PIEZO2: variants seen among roughly 807,000 people sequenced by gnomAD.
PIEZO2 encodes the protein piezo type mechanosensitive ion channel component 2.
In PIEZO2, 172 loss-of-function variants were observed where a neutral mutation model predicts 337.3. That is an observed-to-expected ratio of 0.51 (90% CI 0.45 to 0.58). The LOEUF is 0.58. Among genes scored for constraint, PIEZO2 ranks in the 20% least tolerant of loss-of-function variants. The pLI, the probability that PIEZO2 is intolerant of heterozygous loss-of-function variation, is 0.00. For synonymous variants in PIEZO2, 1,251 were observed against 1,228.5 expected, an observed-to-expected ratio of 1.02 and a Z score of -0.38; for missense variants, 3,028 against 3,391.3, an observed-to-expected ratio of 0.89 and a Z score of 2.66.
intron 49 of PIEZO2, among the ~76,000 whole-genome samples, chr18:10,688,882 G>A (rs2034671309): frequency 6.6e-6 from 1 of 152,014 alleles, no homozygotes; most frequent in African/African-American, 2.4e-5. Context: ...TAGAAATCAG[G>A]ACAAGCAAAT....
intron 7 of PIEZO2, among the ~76,000 whole-genome samples, chr18:10,822,247 G>A (rs994723584): frequency 6.6e-6 from 1 of 152,182 alleles, no homozygotes; most frequent in African/African-American, 2.4e-5. Flanking sequence ...CAGTGACTTA[G>A]AGTATTAAGT....
chr18:11,113,470 G>A (rs1190604930), intron 1 of PIEZO2, among the ~76,000 whole-genome samples: 3 of 152,150 alleles, frequency 2.0e-5, no homozygotes, highest in African/African-American at 7.2e-5. Context: ...AGACCTCAGG[G>A]AAAACCCTCC....
At position 10,824,962 on chromosome 18, in the gene PIEZO2, C is replaced by T. The variant is rs900813008; in HGVS notation, c.918-17688G>A. On this transcript the variant is annotated intron_variant, in intron 7 of 55. Transcript: ENST00000674853. The surrounding 1 kb of genome is among the most constrained non-coding windows in gnomAD (Gnocchi z 4.4). ...CACTGCAACCTCCACTTCCTGGGTC[C>T]AAGTGATTCTCCTGCCTCAGCCTCC... 6.6e-6 allele frequency among the ~76,000 whole-genome samples: 1 copy of T among 152,166 alleles called. No homozygotes were observed. The highest frequency in any genetic ancestry group is 6.5e-5 in the Admixed American group (1 of 15,288).
intron 5 of PIEZO2, among the ~76,000 whole-genome samples, chr18:10,860,824 AATGC>A (rs2041852441): frequency 6.6e-6 from 1 of 152,200 alleles, no homozygotes; most frequent in African/African-American, 2.4e-5. Context: ...AGGTTATACA[AATGC>A]ATTTCCCTGA....
chr18:10,983,287 A>G (rs2034739585), intron 2 of PIEZO2, among the ~76,000 whole-genome samples: 1 of 152,146 alleles, frequency 6.6e-6, no homozygotes, highest in Non-Finnish European at 1.5e-5. Flanking sequence ...GAGCCCCAGA[A>G]TCTGGCTGAG....
chr18:10,891,037 G>A (rs950353193), intron 4 of PIEZO2, among the ~76,000 whole-genome samples: 2 of 152,124 alleles, frequency 1.3e-5, no homozygotes, highest in Non-Finnish European at 2.9e-5. Flanking sequence ...GATCAAAACA[G>A]AAAGTGCATT....
At chr18:10,741,141 T>C (rs1193501290) in intron 32 of PIEZO2, 39 bp from the exon 33 acceptor site, 3 of 1,494,260 alleles carry the variant, frequency 2.0e-6, no homozygotes, top group Non-Finnish European at 2.7e-6. Flanking sequence ...TCGTATAAAG[T>C]GAGAAAACAA....
intron 7 of PIEZO2, among the ~76,000 whole-genome samples, chr18:10,836,902 A>G (rs1054743117): frequency 1.3e-5 from 2 of 152,202 alleles, no homozygotes; most frequent in African/African-American, 4.8e-5. Flanking sequence ...TTTATGTTCC[A>G]TTATTAATAT....
At chr18:10,836,995 C>A (rs2041035803) in intron 7 of PIEZO2, among the ~76,000 whole-genome samples, 1 of 152,196 alleles carries the variant, frequency 6.6e-6, no homozygotes, top group Non-Finnish European at 1.5e-5. Context: ...AGGATACTCA[C>A]AACTGTGGTT....
At chr18:10,996,826 T>A (rs1047759957) in intron 2 of PIEZO2, among the ~76,000 whole-genome samples, 1 of 152,216 alleles carries the variant, frequency 6.6e-6, no homozygotes, top group Non-Finnish European at 1.5e-5. Context: ...GTACATACTT[T>A]ATATATCCAG....
chr18:11,144,220 C>T (rs563834477), intron 1 of PIEZO2, among the ~76,000 whole-genome samples: 1 of 152,352 alleles, frequency 6.6e-6, no homozygotes, highest in South Asian at 2.1e-4. Flanking sequence ...AGACAACATG[C>T]TCATGCCCGT....
Position 10,761,003 on chromosome 18 carries a change from A to G in PIEZO2, c.3358T>C (p.Phe1120Leu), listed in dbSNP as rs755251396. 5.1e-5 allele frequency: 78 copies of G among 1,533,890 alleles called. No homozygotes were observed. The highest frequency in any genetic ancestry group is 5.8e-5 in the Non-Finnish European group (66 of 1,143,936). ...AGATGTAGTCTTGTAATGTCATGAA[A>G]GATAGTTCTAGACACAGGGGCCGTC... ...NLTAPVSRTIFHDITRLHLDD... is the reference protein window; with the variant it reads ...NLTAPVSRTILHDITRLHLDD... The change falls in exon 24 of 56, where the codon TTT (phenylalanine) becomes CTT (leucine). Residue 1120 changes from phenylalanine to leucine, a missense_variant. Around this residue, in one of 5 missense-constraint regions of PIEZO2, gnomAD observed 1,925 missense variants for 2,051.9 expected, o/e 0.94. Coordinates refer to ENST00000674853, the MANE Select transcript of PIEZO2 (RefSeq NM_001378183.1).
chr18:10,851,153 A>ATCTTTTTTTTTTTTTTTTTTTTTTTTT (rs1818993444), intron 7 of PIEZO2, among the ~76,000 whole-genome samples: 1 of 106,612 alleles, frequency 9.4e-6, no homozygotes, highest in Non-Finnish European at 1.9e-5. Flanking sequence ...TTTTTCTTTT[A>ATCTTTTTTTTTTTTTTTTTTTTTTTTT]TCTTTTTTTT....
intron 7 of PIEZO2, among the ~76,000 whole-genome samples, chr18:10,844,731 G>A (rs1054725055): frequency 1.3e-5 from 2 of 150,418 alleles, no homozygotes; most frequent in African/African-American, 4.9e-5. Flanking sequence ...AGAGGTTGCA[G>A]TGAGCCAAGA....
At chr18:10,869,063 A>T (rs776313722) in intron 5 of PIEZO2, among the ~76,000 whole-genome samples, 2 of 152,256 alleles carry the variant, frequency 1.3e-5, no homozygotes, top group African/African-American at 4.8e-5. Flanking sequence ...CTACCTCTCA[A>T]ATTGGAGAAG....
chr18:10,702,047 T>C lies in PIEZO2; in HGVS notation c.6383A>G (p.Tyr2128Cys), dbSNP rs1403399763. The change falls in exon 43 of 56, where the codon TAT becomes TGT. Residue 2128 changes from tyrosine (Y) to cysteine (C), a missense_variant. Physicochemically the swap from Tyr to Cys is radical, Grantham distance 194 (BLOSUM62 -2). Coordinates refer to ENST00000674853, the MANE Select transcript of PIEZO2 (RefSeq NM_001378183.1). ...NIIGVEKKEGYVLYDLIQLLA... is the reference protein window; with the variant it reads ...NIIGVEKKEGCVLYDLIQLLA... The stretch of plus-strand genomic sequence containing the variant: ...GAGCTGGATGAGGTCATAGAGAACA[T>C]AACCTTCCTTCTTTTCCACTCCTAT... 1.3e-6 allele frequency: 2 copies of C among 1,536,780 alleles called. No individual in the cohort carries two copies. The highest frequency in any genetic ancestry group is 1.2e-5 in the South Asian group (1 of 84,002).
rs569918665 is a variant in PIEZO2, at chr18:10,922,009, C to T, written c.287-10781G>A. 3.9e-5 allele frequency among the ~76,000 whole-genome samples: 6 copies of T among 152,112 alleles called. No homozygotes were observed. The South Asian group carries it at 1.2e-3, about 32-fold the overall frequency. Reference sequence around the variant, plus strand: ...AAGATGTTATCAATGACAATGGTGCCCAAAACTTCATTAGCAATTTTAATT... The same window carrying T: ...AAGATGTTATCAATGACAATGGTGCTCAAAACTTCATTAGCAATTTTAATT... On this transcript the variant is annotated intron_variant, in intron 3 of 55. Transcript: ENST00000674853.
intron 2 of PIEZO2, among the ~76,000 whole-genome samples, chr18:11,005,239 C>T (rs1308684383): frequency 6.6e-6 from 1 of 152,204 alleles, no homozygotes; most frequent in Non-Finnish European, 1.5e-5. Flanking sequence ...CCAGCAATTA[C>T]CTAGAGATGT....
chr18:10,921,808 G>A (rs563967292), intron 3 of PIEZO2, among the ~76,000 whole-genome samples: 5 of 152,082 alleles, frequency 3.3e-5, no homozygotes, highest in South Asian at 2.1e-4. Flanking sequence ...GAGAATACTC[G>A]CCTGAGGGTG....
Sources: gnomAD v4.1 joint callset for allele counts (sites outside exome capture counted in the v4.1 genomes callset) on GRCh38, gnomAD v4.1.1 for gene constraint, gnomAD v4.1.1 regional missense constraint, Gnocchi (gnomAD v3.1) non-coding constraint, MANE v1.5 for transcripts, NCBI Gene and HGNC (gene_info 2026-07-23, HGNC 2026-07-21) for gene names.